KRI1: variants seen among roughly 807,000 people sequenced by gnomAD.
KRI1 encodes the protein KRI1 homolog, also known as protein KRI1 homolog.
A neutral mutation model predicts 97.0 loss-of-function variants in KRI1; 83 were observed. That is an observed-to-expected ratio of 0.86 (90% CI 0.72 to 1.03). The LOEUF (loss-of-function observed/expected upper bound fraction) is 1.03, where lower values mean the gene tolerates loss of function less well. Among genes scored for constraint, KRI1 ranks in the 50% least tolerant of loss-of-function variants. The pLI is 0.00. For synonymous variants in KRI1, 371 were observed against 363.5 expected, an observed-to-expected ratio of 1.02 and a Z score of -0.23; for missense variants, 916 against 928.4, an observed-to-expected ratio of 0.99 and a Z score of 0.17.
chr19:10,555,134 CTG>C lies in KRI1; in HGVS notation c.1732_1733del (p.Gln578GlufsTer31). On this transcript the variant is annotated frameshift_variant, in exon 18 of 19. Transcript: ENST00000312962. LOFTEE classifies it low-confidence loss of function (END_TRUNC). ...RDKRAYSQKA[Q>X]NSWKKRQVFK... ...AGACCTGCCGCTTTTTCCATGAGTT[CTG>C]GGCCTTCTGGCTGTACGCCCGCTTG... 6.2e-7 allele frequency: 1 copy of C among 1,608,706 alleles called. No homozygotes were observed.
At position 10,559,693 on chromosome 19, in the gene KRI1, G is replaced by A. The variant is rs1464303355; in HGVS notation, c.943C>T (p.Arg315Cys). Residue 315 changes from arginine (R) to cysteine (C), a missense_variant, in exon 11 of 19, where the codon CGC (arginine) becomes TGC (cysteine). Physicochemically the swap from Arg to Cys is radical, Grantham distance 180 (BLOSUM62 -3). This residue lies in a region of KRI1 where 672 missense variants were observed against 667.2 expected (regional missense o/e 1.01). Transcript: ENST00000312962. ...PDSASVKTYPRSIASSVRRKD... is the reference protein window; with the variant it reads ...PDSASVKTYPCSIASSVRRKD... The stretch of plus-strand genomic sequence containing the variant: ...CGGCGCACGGAGGACGCGATGCTGC[G>A]TGGGTAGGTCTTGACCTAGGCGCAA... 5.0e-6 allele frequency: 8 copies of A among 1,614,034 alleles called. No individual in the cohort carries two copies. The highest frequency in any genetic ancestry group is 6.8e-6 in the Non-Finnish European group (8 of 1,180,024).
chr19:10,559,016 T>TC (rs956339453), intron 12 of KRI1, among the ~76,000 whole-genome samples: 2 of 150,922 alleles, frequency 1.3e-5, no homozygotes, highest in Admixed American at 1.3e-4. Context: ...GGTCTTTTTT[T>TC]TTTTTTAAAA....
Position 10,553,155 on chromosome 19 carries a change from G to C in KRI1, c.*796C>G. The stretch of plus-strand genomic sequence containing the variant: ...TGGGATCTTGAGCTCTGGCAGTGAT[G>C]ATGGTACTTCCTGTTGTCAGCCCCT... On this transcript the variant is annotated 3_prime_UTR_variant, in exon 19 of 19. Transcript: ENST00000312962. 2.8e-6 allele frequency: 4 copies of C among 1,428,194 alleles called. No homozygotes were observed. The highest frequency in any genetic ancestry group is 3.7e-6 in the Non-Finnish European group (4 of 1,075,776). 88.5% of individuals were successfully genotyped at this position (1,428,194 alleles called of 1,614,324 possible). A position where few individuals can be genotyped will look rare whatever the true frequency, so the allele number is the denominator to read the frequency against.
intron 10 of KRI1, 21 bp downstream of exon 10, chr19:10,559,789 T>C: frequency 6.2e-7 from 1 of 1,613,448 alleles, no homozygotes; most frequent in Non-Finnish European, 8.5e-7. Context: ...GGCTGAGTCC[T>C]CCCCAGCCCC....
At position 10,558,193 on chromosome 19, in the gene KRI1, G is replaced by T. The variant is rs935357363; in HGVS notation, c.1241C>A (p.Pro414Gln). 1 of 1,614,012 alleles carries T rather than the reference G, an allele frequency of 6.2e-7. No individual in the cohort carries two copies. The highest frequency in any genetic ancestry group is 8.5e-7 in the Non-Finnish European group (1 of 1,179,988). Residue 414 changes from proline to glutamine, a missense_variant, in exon 13 of 19, where the codon CCA becomes CAA. By Grantham distance (76) the Pro-to-Gln change is moderately conservative. This residue lies in a region of KRI1 where 672 missense variants were observed against 667.2 expected (regional missense o/e 1.01). Transcript: ENST00000312962. ...AAGCCCTTCTTCTTCCTCAAATTGT[G>T]GCTTCTCCTCCTCCACGGCCCCGTA... The part of the protein sequence containing the change: ...EYYGAVEEEK[P>Q]QFEEEEGLED...
intron 3 of KRI1, among the ~76,000 whole-genome samples, chr19:10,563,390 C>T (rs188269795): frequency 5.0e-5 from 6 of 119,434 alleles, no homozygotes; most frequent in East Asian, 3.3e-4. Flanking sequence ...AGTCTCACTC[C>T]GTTGCCCAGT....
In KRI1 at chr19:10,561,544, C is replaced by G. The variant is rs1344991294; in HGVS notation, c.488+123G>C. The G allele has an allele frequency of 1.2e-5, 12 of 991,390 alleles. No individual in the cohort carries two copies. In the East Asian group the frequency reaches 2.8e-4, roughly 24 times the overall value. 61.4% of individuals were successfully genotyped at this position (991,390 alleles called of 1,614,324 possible). The stretch of plus-strand genomic sequence containing the variant: ...AGCAGTGCTGTGATGTTATTAACCC[C>G]GTTTAACTGATGAGGAAACTGAAGC... On this transcript the variant is annotated intron_variant, in intron 6 of 18. Coordinates refer to ENST00000312962, the MANE Select transcript of KRI1 (RefSeq NM_023008.5).
At chr19:10,561,586 A>T in intron 6 of KRI1, 81 bp downstream of exon 6, 1 of 1,314,710 alleles carries the variant, frequency 7.6e-7, no homozygotes, top group Non-Finnish European at 1.1e-6. Context: ...AAAGTGACAG[A>T]GCTCAATTTG....
intron 9 of KRI1, 132 bp downstream of exon 9, chr19:10,560,180 A>G (rs1428495412): frequency 1.4e-6 from 2 of 1,412,980 alleles, no homozygotes; most frequent in Non-Finnish European, 1.9e-6. Flanking sequence ...TCTGCCTTAC[A>G]GAAGACTAAC....
chr19:10,560,276 C>T (rs1207776105), intron 9 of KRI1, 36 bp downstream of exon 9: 1 of 1,557,898 alleles, frequency 6.4e-7, no homozygotes, highest in East Asian at 2.3e-5. Flanking sequence ...TGAAGCGCAC[C>T]CAAAATCTAG....
chr19:10,565,222 G>A (rs1916826085), intron 2 of KRI1, 188 bp from the exon 3 acceptor site: 2 of 621,362 alleles, frequency 3.2e-6, no homozygotes, highest in East Asian at 2.8e-5. Context: ...GCCACAGGTA[G>A]GTACAGGATA....
intron 2 of KRI1, 159 bp downstream of exon 2, chr19:10,565,558 G>T (rs1040470380): frequency 4.3e-6 from 4 of 919,858 alleles, no homozygotes; most frequent in Non-Finnish European, 6.3e-6. Context: ...CTGGGGAGAG[G>T]GGGGGCACTG....
In KRI1 at chr19:10,558,199, T is replaced by A; in HGVS notation, c.1235A>T (p.Glu412Val). 1 of 1,614,018 alleles carries A rather than the reference T, an allele frequency of 6.2e-7. No homozygotes were observed. Among genetic ancestry groups the A allele is most frequent in the South Asian group, 1.1e-5 (1 of 91,090 alleles). ...GDEYYGAVEEEKPQFEEEEGL... is the reference protein window; with the variant it reads ...GDEYYGAVEEVKPQFEEEEGL... ...TTCTTCTTCCTCAAATTGTGGCTTC[T>A]CCTCCTCCACGGCCCCGTAGTACTC... Residue 412 changes from glutamate to valine, a missense_variant, in exon 13 of 19, where the codon GAG (glutamate) becomes GTG (valine). This residue lies in a region of KRI1 where 672 missense variants were observed against 667.2 expected (regional missense o/e 1.01). Transcript: ENST00000312962.
rs755205155 is a variant in KRI1, at chr19:10,561,838, C to T, written c.391G>A (p.Val131Ile). ...KVILEKAGKY[V>I]DEENSDGETS... is the part of the protein sequence containing the mutation. ...TCCCCGTCTGAGTTCTCCTCATCAA[C>T]ATATTTGCTGTAAAGGAAAAGTGGG... Residue 131 changes from valine (V) to isoleucine (I), a missense_variant, in exon 5 of 19, where the codon GTT becomes ATT. This residue lies in a region of KRI1 where 71 missense variants were observed against 108.1 expected (regional missense o/e 0.66). Transcript: ENST00000312962. 1 of 1,613,838 alleles carries T rather than the reference C, an allele frequency of 6.2e-7. No individual in the cohort carries two copies. Among genetic ancestry groups the T allele is most frequent in the Non-Finnish European group, 8.5e-7 (1 of 1,179,870 alleles).
At chr19:10,559,325 T>G in intron 12 of KRI1, 34 bp downstream of exon 12, 1 of 1,600,444 alleles carries the variant, frequency 6.2e-7, no homozygotes, top group Non-Finnish European at 8.5e-7. Flanking sequence ...TTGTGTGAAC[T>G]CAGCGTCATG....
At position 10,562,559 on chromosome 19, in the gene KRI1, C is replaced by T. The variant is rs117045057; in HGVS notation, c.383+170G>A. Among the ~76,000 whole-genome samples, 164 of 151,808 alleles carry T rather than the reference C, an allele frequency of 1.1e-3. 1 individual carries two copies. In the East Asian group the frequency reaches 0.027, roughly 25 times the overall value. On this transcript the variant is annotated intron_variant, in intron 4 of 18. Coordinates refer to ENST00000312962, the MANE Select transcript of KRI1 (RefSeq NM_023008.5). ...TGTTGCCCAGCCTGGTCTCAAACTT[C>T]TGTCCTCAAGCGATCCTATTGCCTC...
At position 10,564,946 on chromosome 19, in the gene KRI1, G is replaced by A; in HGVS notation, c.257C>T (p.Thr86Ile). The A allele has an allele frequency of 6.2e-7, 1 of 1,611,078 alleles. No individual in the cohort carries two copies. The highest frequency in any genetic ancestry group is 8.5e-7 in the Non-Finnish European group (1 of 1,177,346). ...CCCCGGACCTGTTCTGTTATAGAAG[G>A]TGGCATCTTTCTGATAAATGCGGGG... ...KDPRIYQKDA[T>I]FYNRTASSSD... The change falls in exon 3 of 19, where the codon ACC (threonine) becomes ATC (isoleucine). Residue 86 changes from threonine to isoleucine, a missense_variant. Transcript: ENST00000312962.
rs370952722 is a variant in KRI1 at position 10,557,589 on chromosome 19, G to T, written c.1580C>A (p.Thr527Lys). 4.3e-6 allele frequency: 7 copies of T among 1,614,068 alleles called. No homozygotes were observed. The highest frequency in any genetic ancestry group is 5.9e-6 in the Non-Finnish European group (7 of 1,180,022). ...GAGGCCAAAGTCACAGGGCACCACT[G>T]TGCGGTACTTGAAGCGACAGGGCAG... ...DDLPCRFKYR[T>K]VVPCDFGLST... Residue 527 changes from threonine (T) to lysine (K), a missense_variant, in exon 16 of 19, where the codon ACA (threonine) becomes AAA (lysine). Thr to Lys is a moderately conservative substitution (Grantham distance 78, BLOSUM62 -1). Around this residue, in one of 3 missense-constraint regions of KRI1, gnomAD observed 672 missense variants for 667.2 expected, o/e 1.01. Transcript: ENST00000312962.
chr19:10,565,816 C>CCCCCT (rs1916854119), intron 1 of KRI1, 26 bp from the exon 2 acceptor site: 1 of 1,550,282 alleles, frequency 6.5e-7, no homozygotes, highest in African/African-American at 1.4e-5. Context: ...GGGATGCCCC[C>CCCCCT]CCCCAGGTCA....
Sources: gnomAD v4.1 joint callset for allele counts (sites outside exome capture counted in the v4.1 genomes callset) on GRCh38, gnomAD v4.1.1 for gene constraint, gnomAD v4.1.1 regional missense constraint, MANE v1.5 for transcripts, NCBI Gene and HGNC (gene_info 2026-07-23, HGNC 2026-07-21) for gene names.